EXOC2: variants seen among roughly 807,000 people sequenced by gnomAD.
The protein encoded by EXOC2 is exocyst complex component 2, also known as SEC5-like 1.
Under a neutral mutation model 131.8 loss-of-function variants are expected in EXOC2, and 70 were observed. The ratio of observed to expected loss-of-function variants is 0.53; its 90% CI spans 0.44 to 0.65. The LOEUF (loss-of-function observed/expected upper bound fraction) is 0.65, where lower values mean the gene tolerates loss of function less well. EXOC2 is among the 30% of genes least tolerant of loss of function. The pLI is 0.00. For missense variants in EXOC2, 923 were observed against 1,108.6 expected (o/e 0.83, Z 2.38); for synonymous variants, 411 against 398.4 (o/e 1.03, Z -0.38).
intron 1 of EXOC2, among the ~76,000 whole-genome samples, chr6:691,322 AT>A (rs910603995): frequency 2.0e-5 from 3 of 152,122 alleles, no homozygotes; most frequent in Non-Finnish European, 4.4e-5. Context: ...TTATACACGG[AT>A]TTTTTCAACA....
chr6:673,356 C>T lies in EXOC2; in HGVS notation c.-44+19663G>A, dbSNP rs114227495. Among the ~76,000 whole-genome samples, 1,110 of 150,096 alleles carry T rather than the reference C, an allele frequency of 7.4e-3. 19 individuals carry two copies. Among genetic ancestry groups the T allele is most frequent in the African/African-American group, 0.025 (1,029 of 40,636 alleles). On this transcript the variant is annotated intron_variant, in intron 1 of 27. Transcript: ENST00000230449. ...CTTTTATTTGCACTGGTTAGTGTTC[C>T]ATTAAATTAGTACCACTTAAGCCTC...
intron 7 of EXOC2, 46 bp downstream of exon 7, chr6:610,052 T>C (rs775176369): frequency 1.1e-5 from 17 of 1,549,662 alleles, no homozygotes; most frequent in Non-Finnish European, 1.5e-5. Flanking sequence ...TTTTAAAGCA[T>C]GTTGTAAAAT....
intron 2 of EXOC2, 34 bp from the exon 3 acceptor site, chr6:633,151 A>G: frequency 6.2e-7 from 1 of 1,603,106 alleles, no homozygotes. Context: ...ACAAAATTCA[A>G]AGACAAGAAC....
intron 23 of EXOC2, among the ~76,000 whole-genome samples, chr6:510,535 A>G (rs1764782377): frequency 1.3e-5 from 2 of 152,362 alleles, no homozygotes; most frequent in South Asian, 4.1e-4. Context: ...TCTGTAAGAA[A>G]GACTTTATAT....
At chr6:637,430 A>G (rs1325866226) in intron 2 of EXOC2, among the ~76,000 whole-genome samples, 2 of 152,258 alleles carry the variant, frequency 1.3e-5, no homozygotes, top group African/African-American at 4.8e-5. Flanking sequence ...CAATCAAGAC[A>G]TCAAAGCTTC....
intron 1 of EXOC2, among the ~76,000 whole-genome samples, chr6:673,327 T>C (rs1763964188): frequency 2.1e-5 from 3 of 142,952 alleles, no homozygotes; most frequent in African/African-American, 8.1e-5. Flanking sequence ...AACAATACAA[T>C]TGTCTTTTAT....
intron 2 of EXOC2, 67 bp downstream of exon 2, chr6:637,634 T>C: frequency 1.6e-6 from 2 of 1,222,476 alleles, no homozygotes; most frequent in East Asian, 2.4e-5. Context: ...GAAAATTACA[T>C]ATCTTGTCTC....
At chr6:613,458 A>G (rs560768710) in intron 6 of EXOC2, among the ~76,000 whole-genome samples, 55 of 149,984 alleles carry the variant, frequency 3.7e-4, no homozygotes, top group Non-Finnish European at 5.0e-4. Context: ...AAAGAAAGAA[A>G]GAAAAAAACA....
intron 22 of EXOC2, among the ~76,000 whole-genome samples, chr6:546,710 T>C (rs1405333997): frequency 6.6e-6 from 1 of 152,218 alleles, no homozygotes; most frequent in Non-Finnish European, 1.5e-5. Flanking sequence ...TTCCTAATAA[T>C]TGTCTTAACA....
intron 12 of EXOC2, 103 bp from the exon 13 acceptor site, chr6:572,747 T>C (rs1236398286): frequency 3.6e-6 from 5 of 1,402,274 alleles, no homozygotes; most frequent in South Asian, 2.7e-5. Flanking sequence ...AACTCCAACA[T>C]GCACTAGGAA....
intron 1 of EXOC2, among the ~76,000 whole-genome samples, chr6:650,453 T>C (rs1337586070): frequency 6.6e-6 from 1 of 151,248 alleles, no homozygotes; most frequent in Non-Finnish European, 1.5e-5. Context: ...CTAAAAACTT[T>C]AATAATAGCT....
chr6:661,287 A>G (rs137948301), intron 1 of EXOC2, among the ~76,000 whole-genome samples: 1,915 of 152,336 alleles, frequency 0.013, 21 homozygotes, highest in Middle Eastern at 0.037. Context: ...AGAAGCACAA[A>G]GAACACCTGG....
intron 7 of EXOC2, among the ~76,000 whole-genome samples, chr6:607,486 C>A (rs1760483200): frequency 6.6e-6 from 1 of 152,252 alleles, no homozygotes; most frequent in Non-Finnish European, 1.5e-5. Flanking sequence ...TGAGCTACGA[C>A]TGCCACAGCT....
At chr6:529,220 C>T (rs561561434) in intron 23 of EXOC2, among the ~76,000 whole-genome samples, 2 of 152,124 alleles carry the variant, frequency 1.3e-5, no homozygotes, top group Non-Finnish European at 2.9e-5. Context: ...TGTGACCTAA[C>T]GCCGCCCTTC....
At chr6:679,859 T>C (rs1233772507) in intron 1 of EXOC2, among the ~76,000 whole-genome samples, 1 of 152,120 alleles carries the variant, frequency 6.6e-6, no homozygotes, top group Admixed American at 6.5e-5. Flanking sequence ...AACAGACAGA[T>C]GTACAGAAAA....
intron 24 of EXOC2, among the ~76,000 whole-genome samples, chr6:497,802 C>T (rs1763828703): frequency 6.6e-6 from 1 of 152,180 alleles, no homozygotes; most frequent in Non-Finnish European, 1.5e-5. Context: ...AAAGAAACAT[C>T]TCTAAAGAAG....
chr6:685,944 A>G (rs1490034950), intron 1 of EXOC2, among the ~76,000 whole-genome samples: 1 of 140,950 alleles, frequency 7.1e-6, no homozygotes, highest in African/African-American at 2.7e-5. Context: ...GTAAGAAGTA[A>G]TGTATTAATG....
intron 1 of EXOC2, among the ~76,000 whole-genome samples, chr6:640,852 A>G (rs1188518140): frequency 1.3e-5 from 2 of 151,594 alleles, no homozygotes; most frequent in African/African-American, 2.4e-5. Context: ...ATACTTTGTT[A>G]TAACAGCCCT....
chr6:587,253 T>C (rs932364047), intron 11 of EXOC2, among the ~76,000 whole-genome samples: 1 of 152,016 alleles, frequency 6.6e-6, no homozygotes, highest in Non-Finnish European at 1.5e-5. Flanking sequence ...TGTGTATTTT[T>C]TTTTTTTTTG....
Sources: gnomAD v4.1 joint callset for allele counts (sites outside exome capture counted in the v4.1 genomes callset) on GRCh38, gnomAD v4.1.1 for gene constraint, MANE v1.5 for transcripts, NCBI Gene and HGNC (gene_info 2026-07-23, HGNC 2026-07-21) for gene names.